The following XKR9 variants were observed in gnomAD, a reference collection of about 807,000 sequenced individuals.
The protein encoded by XKR9 is XK-related protein 9.
Under a neutral mutation model 32.0 loss-of-function variants are expected in XKR9, and 32 were observed. The observed-to-expected ratio is 1.00, with a 90% CI of 0.76 to 1.34. The LOEUF (loss-of-function observed/expected upper bound fraction) is 1.34, where lower values mean the gene tolerates loss of function less well. Ranked by LOEUF, XKR9 falls within the 40% of genes most tolerant of loss-of-function variation. The pLI is 0.00. For missense variants in XKR9, 546 were observed against 429.7 expected (o/e 1.27, Z -2.39); for synonymous variants, 168 against 143.4 (o/e 1.17, Z -1.22).
chr8:70,892,861 G>C, the XKR9 span, among the ~76,000 whole-genome samples: 1 of 152,112 alleles, frequency 6.6e-6, no homozygotes, highest in Non-Finnish European at 1.5e-5. Context: ...GAGATTCTTG[G>C]ATCTGGATGC....
chr8:70,697,982 G>A lies in XKR9; in HGVS notation c.273-8951G>A, dbSNP rs370245308. Among the ~76,000 whole-genome samples the A allele has an allele frequency of 6.5e-4, 97 of 149,034 alleles. 1 individual carries two copies. Among genetic ancestry groups the A allele is most frequent in the East Asian group, 5.8e-3 (30 of 5,170 alleles). On this transcript the variant is annotated intron_variant, in intron 3 of 4. Transcript: ENST00000408926. ...CTAGTTTATTTGTGTAGAGGTGTTT[G>A]TAGTATTCTCTGATGGTAGTTTGTA...
chr8:70,995,558 A>G, the XKR9 span, among the ~76,000 whole-genome samples: 10 of 152,186 alleles, frequency 6.6e-5, no homozygotes, highest in Non-Finnish European at 1.3e-4. Flanking sequence ...CTTTTGCCCA[A>G]AGGAAGAAAC....
intron 3 of XKR9, among the ~76,000 whole-genome samples, chr8:70,681,747 T>C (rs1819091449): frequency 6.6e-6 from 1 of 152,132 alleles, no homozygotes; most frequent in African/African-American, 2.4e-5. Context: ...GCAGTAGCTA[T>C]GTGGTTAGCT....
the XKR9 span, among the ~76,000 whole-genome samples, chr8:70,956,226 G>C: frequency 6.6e-6 from 1 of 152,194 alleles, no homozygotes; most frequent in Non-Finnish European, 1.5e-5. Flanking sequence ...GGGTGAGCAA[G>C]GCAGAGAGTA....
At chr8:70,798,782 T>G in the XKR9 span, among the ~76,000 whole-genome samples, 1 of 152,212 alleles carries the variant, frequency 6.6e-6, no homozygotes, top group Non-Finnish European at 1.5e-5. Context: ...CCAGTTATCC[T>G]AGCAGCATTT....
At chr8:70,807,302 G>T in the XKR9 span, among the ~76,000 whole-genome samples, 53 of 152,286 alleles carry the variant, frequency 3.5e-4, no homozygotes, top group African/African-American at 1.1e-3. Context: ...ACCAGCCACT[G>T]CAAAAACACA....
the XKR9 span, among the ~76,000 whole-genome samples, chr8:71,050,584 T>C: frequency 2.0e-5 from 3 of 152,044 alleles, no homozygotes; most frequent in Non-Finnish European, 4.4e-5. Flanking sequence ...ATAGAAGATA[T>C]GTTTCAAAGC....
the XKR9 span, among the ~76,000 whole-genome samples, chr8:70,983,631 A>C: frequency 1.3e-5 from 2 of 151,988 alleles, no homozygotes; most frequent in Admixed American, 6.6e-5. Flanking sequence ...AAATACAAAA[A>C]TTAGCTGGGC....
chr8:70,671,340 T>TA lies in XKR9; in HGVS notation c.-361+1802_-361+1803insA, dbSNP rs1392594694. ...AATGACATGATCTCATTTTTTTTTT[T>TA]TTTTTATTATACTCTAAGTTTTAGG... is the stretch of plus-strand genomic sequence containing the variant. On this transcript the variant is annotated intron_variant, in intron 1 of 4. Coordinates refer to ENST00000408926, the MANE Select transcript of XKR9 (RefSeq NM_001011720.2). Among the ~76,000 whole-genome samples the TA allele has an allele frequency of 3.5e-3, 205 of 58,118 alleles. 9 individuals carry two copies. The highest frequency in any genetic ancestry group is 6.6e-3 in the Non-Finnish European group (107 of 16,110). The allele number at this position is 58,118 out of a possible 152,430, so 38.1% of individuals were successfully genotyped here.
chr8:70,717,655 G>A (rs1193207366), intron 4 of XKR9, among the ~76,000 whole-genome samples: 1 of 152,142 alleles, frequency 6.6e-6, no homozygotes, highest in African/African-American at 2.4e-5. Flanking sequence ...TAGGCCTCCA[G>A]GTCTGTGATA....
At chr8:71,054,514 C>G in the XKR9 span, among the ~76,000 whole-genome samples, 2 of 152,114 alleles carry the variant, frequency 1.3e-5, no homozygotes, top group African/African-American at 4.8e-5. Context: ...GCTCTGTCTC[C>G]CAAAGCACCA....
Position 70,707,018 on chromosome 8 carries a change from C to A in XKR9, c.358C>A (p.Leu120Ile), listed in dbSNP as rs115282615. The part of the protein sequence containing the change: ...TSNFVEEQID[L>I]HKEVIDRVTD... The stretch of plus-strand genomic sequence containing the variant: ...TAACTTCGTGGAAGAACAAATTGAT[C>A]TACATAAAGAAGTTATAGATAGAGT... The change falls in exon 4 of 5, where the codon CTA becomes ATA. Residue 120 changes from leucine (L) to isoleucine (I), a missense_variant. Coordinates refer to ENST00000408926, the MANE Select transcript of XKR9 (RefSeq NM_001011720.2). 3.1e-6 allele frequency: 5 copies of A among 1,613,270 alleles called. No individual in the cohort carries two copies. The highest frequency in any genetic ancestry group is 4.5e-5 in the East Asian group (2 of 44,844).
At chr8:70,745,686 A>C (rs1009189553) in intron 2 of XKR9, among the ~76,000 whole-genome samples, 1 of 152,200 alleles carries the variant, frequency 6.6e-6, no homozygotes, top group African/African-American at 2.4e-5. Context: ...AATTAGTTTC[A>C]AAACAGCCAC....
At chr8:70,755,913 T>C (rs896817374) in intron 2 of XKR9, among the ~76,000 whole-genome samples, 7 of 151,602 alleles carry the variant, frequency 4.6e-5, no homozygotes, top group Non-Finnish European at 1.0e-4. Flanking sequence ...AGTATAATAA[T>C]AATAATTAAA....
intron 3 of XKR9, among the ~76,000 whole-genome samples, chr8:70,684,291 A>C (rs548515259): frequency 1.3e-5 from 2 of 152,192 alleles, no homozygotes; most frequent in African/African-American, 2.4e-5. Flanking sequence ...ATCAAATGTA[A>C]GTTACACGTT....
At chr8:70,715,355 A>G (rs1806053806) in intron 4 of XKR9, among the ~76,000 whole-genome samples, 1 of 152,152 alleles carries the variant, frequency 6.6e-6, no homozygotes, top group African/African-American at 2.4e-5. Flanking sequence ...CAGGGAATTT[A>G]ATCAACTGCA....
chr8:70,976,874 A>T, the XKR9 span, among the ~76,000 whole-genome samples: 2 of 151,996 alleles, frequency 1.3e-5, no homozygotes, highest in Non-Finnish European at 2.9e-5. Flanking sequence ...GGTAGGCTAT[A>T]AATTATTGCC....
chr8:70,912,408 T>C, the XKR9 span, among the ~76,000 whole-genome samples: 1 of 151,980 alleles, frequency 6.6e-6, no homozygotes, highest in South Asian at 2.1e-4. Context: ...GGGGGCAGAA[T>C]CTAGACACAA....
the XKR9 span, among the ~76,000 whole-genome samples, chr8:70,967,208 G>A: frequency 3.3e-5 from 5 of 151,954 alleles, no homozygotes; most frequent in East Asian, 1.9e-4. Context: ...GACTACAGGC[G>A]CCTGCCAGCA....
Sources: allele counts gnomAD v4.1 joint callset (sites outside exome capture counted in the v4.1 genomes callset), GRCh38; gene constraint gnomAD v4.1.1; transcripts MANE v1.5; gene names NCBI Gene and HGNC (gene_info 2026-07-23, HGNC 2026-07-21).